The following PIAS1 variants were observed in gnomAD, a reference collection of about 807,000 sequenced individuals.
PIAS1 encodes protein inhibitor of activated STAT 1, also known as E3 SUMO-protein ligase PIAS1.
PIAS1 carries 6 observed loss-of-function variants against 71.3 expected under a neutral mutation model. The observed-to-expected ratio is 0.08, with a 90% CI of 0.05 to 0.17. The LOEUF (loss-of-function observed/expected upper bound fraction) is 0.17, where lower values mean the gene tolerates loss of function less well. Among genes scored for constraint, PIAS1 ranks in the 10% least tolerant of loss-of-function variants. The pLI, the probability that PIAS1 is intolerant of heterozygous loss-of-function variation, is 1.00. For synonymous variants in PIAS1, 303 were observed against 292.9 expected, an observed-to-expected ratio of 1.03 and a Z score of -0.35; for missense variants, 555 against 793.6, an observed-to-expected ratio of 0.70 and a Z score of 3.61.
In PIAS1 at chr15:68,054,967, G is replaced by C. The variant is rs146450520; in HGVS notation, c.24+617G>C. 0.01 allele frequency: 1,551 copies of C among 152,548 alleles called. 11 individuals carry two copies. Among genetic ancestry groups the C allele is most frequent in the Middle Eastern group, 0.038 (11 of 292 alleles). The allele number at this position is 152,548 out of a possible 1,614,324, so 9.4% of individuals were successfully genotyped here. On this transcript the variant is annotated intron_variant, in intron 1 of 13. Transcript: ENST00000249636. This position sits in a 1 kb window ranked among gnomAD's most constrained non-coding sequence, Gnocchi z 4.6. ...CCGGGGCGATAGGGTGGGGATCTGGGGGAGAAGCTCTGGTAAAGTTTAGCG... is the reference window on the plus strand; with the variant it reads ...CCGGGGCGATAGGGTGGGGATCTGGCGGAGAAGCTCTGGTAAAGTTTAGCG...
chr15:68,173,395 TC>T lies in PIAS1; in HGVS notation c.1009-336del, dbSNP rs1241908499. Among the ~76,000 whole-genome samples, 2 of 151,774 alleles carry T rather than the reference TC, an allele frequency of 1.3e-5. No individual in the cohort carries two copies. Among genetic ancestry groups the T allele is most frequent in the African/African-American group, 4.8e-5 (2 of 41,322 alleles). On this transcript the variant is annotated intron_variant, in intron 8 of 13. Transcript: ENST00000249636. The surrounding 1 kb of genome is among the most constrained non-coding windows in gnomAD (Gnocchi z 4.3). ...AAAAAAAAAAAACTGGTGAAAGCAC[TC>T]TCTCCAGAAAAATGCACACACGAAA...
chr15:68,164,945 A>G (rs1438571660), intron 8 of PIAS1, 141 bp downstream of exon 8: 2 of 561,568 alleles, frequency 3.6e-6, no homozygotes, highest in Non-Finnish European at 6.4e-6. Flanking sequence ...GTGGAAAGAC[A>G]TCTAGGCATT....
At chr15:68,071,809 G>T (rs926505104) in intron 1 of PIAS1, among the ~76,000 whole-genome samples, 2 of 151,578 alleles carry the variant, frequency 1.3e-5, no homozygotes, top group African/African-American at 4.8e-5. Flanking sequence ...TTAGCCATGG[G>T]GAGTGACGTC....
At chr15:68,141,396 T>A (rs2092769095) in intron 2 of PIAS1, among the ~76,000 whole-genome samples, 1 of 152,154 alleles carries the variant, frequency 6.6e-6, no homozygotes, top group African/African-American at 2.4e-5. Context: ...TTTGAGTTAG[T>A]GACAATAAGC....
Position 68,086,600 on chromosome 15 carries a change from C to T in PIAS1, c.319C>T (p.Pro107Ser). ...LTYDGHPASS[P>S]LLPVSLLGPK... ...TTACGATGGTCACCCTGCATCATCG[C>T]CATTACTCCCTGTTTCTCTTCTGGG... The change falls in exon 2 of 14, where the codon CCA becomes TCA. Residue 107 changes from proline to serine, a missense_variant. Pro to Ser is a moderately conservative substitution (Grantham distance 74, BLOSUM62 -1). Coordinates refer to ENST00000249636, the MANE Select transcript of PIAS1 (RefSeq NM_016166.3). The surrounding 1 kb of genome is among the most constrained non-coding windows in gnomAD (Gnocchi z 7.2). 1.2e-6 allele frequency: 2 copies of T among 1,613,898 alleles called. No individual in the cohort carries two copies. The highest frequency in any genetic ancestry group is 1.7e-6 in the Non-Finnish European group (2 of 1,179,812).
chr15:68,128,743 T>C (rs2092669861), intron 2 of PIAS1, among the ~76,000 whole-genome samples: 1 of 152,220 alleles, frequency 6.6e-6, no homozygotes, highest in Non-Finnish European at 1.5e-5. Flanking sequence ...GGTCTGTTCC[T>C]GTTTGCATTC....
At chr15:68,158,846 T>C (rs1269638345) in intron 7 of PIAS1, among the ~76,000 whole-genome samples, 2 of 152,194 alleles carry the variant, frequency 1.3e-5, no homozygotes, top group African/African-American at 4.8e-5. Context: ...GAACAATCTG[T>C]GATAATGGAA....
intron 2 of PIAS1, among the ~76,000 whole-genome samples, chr15:68,127,623 A>C (rs972507491): frequency 1.3e-5 from 2 of 150,476 alleles, no homozygotes; most frequent in Middle Eastern, 3.4e-3. Flanking sequence ...TTACAACACA[A>C]AAACAAAACA....
At chr15:68,124,764 G>C (rs908503330) in intron 2 of PIAS1, among the ~76,000 whole-genome samples, 1 of 152,030 alleles carries the variant, frequency 6.6e-6, no homozygotes, top group Non-Finnish European at 1.5e-5. Flanking sequence ...AGTTATAAAT[G>C]AATATAGTTT....
chr15:68,158,276 ACTCTT>A (rs2092904116), intron 7 of PIAS1, among the ~76,000 whole-genome samples: 1 of 151,774 alleles, frequency 6.6e-6, no homozygotes. Context: ...GCCTGTATTT[ACTCTT>A]CTTTTCATAC....
At chr15:68,145,729 A>C in intron 4 of PIAS1, 87 bp from the exon 5 acceptor site, 1 of 772,288 alleles carries the variant, frequency 1.3e-6, no homozygotes, top group Non-Finnish European at 2.2e-6. Context: ...TTTTAAATTT[A>C]CCATCTTTTA....
chr15:68,181,531 T>G (rs1203850436), intron 12 of PIAS1, 177 bp downstream of exon 12: 2 of 569,656 alleles, frequency 3.5e-6, no homozygotes, highest in Non-Finnish European at 6.2e-6. Flanking sequence ...GTTCGTTGAT[T>G]GTACTGTCAT....
chr15:68,056,396 T>G (rs1447817869), intron 1 of PIAS1, among the ~76,000 whole-genome samples: 1 of 152,232 alleles, frequency 6.6e-6, no homozygotes, highest in Admixed American at 6.5e-5. Context: ...TAGGTAAAGT[T>G]TCTCTTTACG....
At chr15:68,055,688 C>CA (rs1378825161) in intron 1 of PIAS1, 2 of 421,230 alleles carry the variant, frequency 4.7e-6, no homozygotes, top group East Asian at 7.0e-5. Context: ...ACATCTCTGT[C>CA]AGAGAGGAGA....
At chr15:68,101,606 C>T (rs1381413461) in intron 2 of PIAS1, among the ~76,000 whole-genome samples, 1 of 152,122 alleles carries the variant, frequency 6.6e-6, no homozygotes, top group Non-Finnish European at 1.5e-5. Context: ...GTAGCTGGGA[C>T]TACAGATGCA....
rs748813231 is a variant in PIAS1 at position 68,176,636 on chromosome 15, C to T, written c.1463C>T (p.Ser488Leu). ...ACCTGTCCTTCCCTATCTCCCACATCACCACTAAATAATAAAGGGTAAGTG... is the reference window on the plus strand; with the variant it reads ...ACCTGTCCTTCCCTATCTCCCACATTACCACTAAATAATAAAGGGTAAGTG... Reference protein sequence around the residue: ...KRTCPSLSPTSPLNNKGILSL... With the variant: ...KRTCPSLSPTLPLNNKGILSL... The change falls in exon 11 of 14, where the codon TCA (serine) becomes TTA (leucine). Residue 488 changes from serine (S) to leucine (L), a missense_variant. Coordinates refer to ENST00000249636, the MANE Select transcript of PIAS1 (RefSeq NM_016166.3). The T allele has an allele frequency of 5.6e-6, 9 of 1,595,498 alleles. 1 individual carries two copies. In the Admixed American group the frequency reaches 1.4e-4, roughly 25 times the overall value.
In PIAS1 at chr15:68,060,943, A is replaced by G. The variant is rs940060308; in HGVS notation, c.24+6593A>G. ...GTAATCTGCCCGCCTTGGCCTCCCA[A>G]AGTTCTGGGATTGTAGGCGTGAGCC... On this transcript the variant is annotated intron_variant, in intron 1 of 13. Transcript: ENST00000249636. Among the ~76,000 whole-genome samples the G allele has an allele frequency of 1.2e-4, 18 of 152,184 alleles. 1 individual carries two copies. Among genetic ancestry groups the G allele is most frequent in the Admixed American group, 9.8e-4 (15 of 15,282 alleles).
chr15:68,120,679 G>A (rs1450514869), intron 2 of PIAS1, among the ~76,000 whole-genome samples: 3 of 152,104 alleles, frequency 2.0e-5, no homozygotes, highest in Non-Finnish European at 4.4e-5. Context: ...GTTTGAAACA[G>A]AGTCTTACTG....
chr15:68,131,408 A>G (rs2092687012), intron 2 of PIAS1, among the ~76,000 whole-genome samples: 1 of 152,138 alleles, frequency 6.6e-6, no homozygotes, highest in South Asian at 2.1e-4. Context: ...TGATGAGAAC[A>G]TTTGAAATTT....
Sources: gnomAD v4.1 joint callset for allele counts (sites outside exome capture counted in the v4.1 genomes callset) on GRCh38, gnomAD v4.1.1 for gene constraint, Gnocchi (gnomAD v3.1) non-coding constraint, MANE v1.5 for transcripts, NCBI Gene and HGNC (gene_info 2026-07-23, HGNC 2026-07-21) for gene names.